CEP72: variants seen among roughly 807,000 people sequenced by gnomAD.
CEP72 encodes the protein centrosomal protein of 72 kDa.
Under a neutral mutation model 65.7 loss-of-function variants are expected in CEP72, and 78 were observed. The ratio of observed to expected loss-of-function variants is 1.19; its 90% confidence interval spans 0.99 to 1.43. CEP72 has a LOEUF of 1.43. Among genes scored for constraint, CEP72 ranks in the 40% most tolerant of loss-of-function variants. The pLI, the probability that CEP72 is intolerant of heterozygous loss-of-function variation, is 0.00. For synonymous variants in CEP72, 358 were observed against 351.7 expected (o/e 1.02, Z -0.20); for missense variants, 914 against 832.9 (o/e 1.10, Z -1.20).
downstream of CEP72, among the ~76,000 whole-genome samples, chr5:659,644 C>T (rs962771257): frequency 1.3e-5 from 2 of 152,232 alleles, no homozygotes; most frequent in African/African-American, 4.8e-5. Context: ...GCAGGACTCA[C>T]ACCTGACAGA....
At chr5:649,052 T>TG (rs202242830) in intron 11 of CEP72, among the ~76,000 whole-genome samples, 6 of 120,562 alleles carry the variant, frequency 5.0e-5, no homozygotes, top group Admixed American at 4.3e-4. Context: ...CTGTGAGGTG[T>TG]GACTGTGAGG....
intron 3 of CEP72, among the ~76,000 whole-genome samples, chr5:665,575 G>C (rs938529786): frequency 6.6e-6 from 1 of 151,990 alleles, no homozygotes; most frequent in African/African-American, 2.4e-5. Flanking sequence ...GGAAGGGGCT[G>C]TCAGAACAGC....
rs201637645 is a variant in CEP72, at chr5:635,557, C to G, written c.877C>G (p.Pro293Ala). Residue 293 changes from proline to alanine, a missense_variant, in exon 6 of 12, where the codon CCA becomes GCA. Coordinates refer to ENST00000264935, the MANE Select transcript of CEP72 (RefSeq NM_018140.4). ...AEPEASRAPR[P>A]HTYFTPHPDS... is the part of the protein sequence containing the mutation. ...GCCAGAGGCCTCCCGTGCCCCCAGGCCACACACGTACTTCACCCCACACCC... is the reference window on the plus strand; with the variant it reads ...GCCAGAGGCCTCCCGTGCCCCCAGGGCACACACGTACTTCACCCCACACCC... 6.2e-7 allele frequency: 1 copy of G among 1,613,642 alleles called. No homozygotes were observed. Among genetic ancestry groups the G allele is most frequent in the Non-Finnish European group, 8.5e-7 (1 of 1,179,778 alleles).
intron 11 of CEP72, among the ~76,000 whole-genome samples, chr5:648,190 C>A (rs1028576041): frequency 3.3e-5 from 5 of 152,052 alleles, no homozygotes; most frequent in Non-Finnish European, 5.9e-5. Context: ...TGAGGTGTGA[C>A]CACGAGGCAT....
chr5:652,228 C>G (rs1016404844), intron 11 of CEP72, among the ~76,000 whole-genome samples: 2 of 152,186 alleles, frequency 1.3e-5, no homozygotes, highest in East Asian at 3.8e-4. Context: ...GTGCACAGCT[C>G]CCAAACATGG....
intron 11 of CEP72, among the ~76,000 whole-genome samples, chr5:649,050 T>C (rs1453353467): frequency 7.1e-6 from 1 of 140,326 alleles, no homozygotes; most frequent in South Asian, 2.3e-4. Context: ...GACTGTGAGG[T>C]GTGACTGTGA....
At chr5:642,975 C>T (rs1266897739) in intron 9 of CEP72, 13 of 985,498 alleles carry the variant, frequency 1.3e-5, no homozygotes, top group Non-Finnish European at 1.4e-5. Context: ...GTGCCTGGCA[C>T]GGCCTCTGAG....
intron 3 of CEP72, among the ~76,000 whole-genome samples, chr5:622,834 C>A (rs551299165): frequency 6.6e-6 from 1 of 152,194 alleles, no homozygotes; most frequent in Non-Finnish European, 1.5e-5. Context: ...GAGGAATAGG[C>A]GCCTGTTTTA....
chr5:626,665 T>C (rs1736777489), intron 4 of CEP72, among the ~76,000 whole-genome samples: 1 of 152,218 alleles, frequency 6.6e-6, no homozygotes, highest in South Asian at 2.1e-4. Context: ...AAGAAAACTT[T>C]TTTTTTTCTT....
intron 11 of CEP72, among the ~76,000 whole-genome samples, chr5:649,240 ACTGTGAGG>A (rs1278972256): frequency 7.5e-4 from 41 of 54,920 alleles, no homozygotes; most frequent in African/African-American, 3.8e-3. Flanking sequence ...GTGAGGTGTG[ACTGTGAGG>A]TGTGGACTGT....
At chr5:664,950 C>T in intron 2 of CEP72, 1 of 825,814 alleles carries the variant, frequency 1.2e-6, no homozygotes, top group Non-Finnish European at 1.9e-6. Flanking sequence ...GGAGGAGGGG[C>T]AGGAGGGAGG....
intron 6 of CEP72, among the ~76,000 whole-genome samples, chr5:635,906 A>C (rs2455333): frequency 0.059 from 6,398 of 107,638 alleles, no homozygotes; most frequent in East Asian, 0.14. Flanking sequence ...CAGCCCTGCG[A>C]TACAGCATTC....
chr5:661,755 A>G (rs563228941), downstream of CEP72: 1 of 152,520 alleles, frequency 6.6e-6, no homozygotes, highest in Non-Finnish European at 1.5e-5. Context: ...AGTGGTGACC[A>G]CTATGTCCTC....
At chr5:665,938 C>CCCCCCCCCCCCCACAA in intron 3 of CEP72, 1 of 1,366,608 alleles carries the variant, frequency 7.3e-7, no homozygotes, top group Non-Finnish European at 9.7e-7. Flanking sequence ...CCACCCCCTC[C>CCCCCCCCCCCCCACAA]AGGCCCCGCC....
intron 5 of CEP72, among the ~76,000 whole-genome samples, chr5:635,117 G>A (rs1737497662): frequency 6.6e-6 from 1 of 152,134 alleles, no homozygotes; most frequent in Non-Finnish European, 1.5e-5. Context: ...CATTTTGTCT[G>A]ACTTTGCTCC....
At chr5:642,601 G>A (rs891956709) in intron 9 of CEP72, 2 of 985,502 alleles carry the variant, frequency 2.0e-6, no homozygotes, top group Non-Finnish European at 2.4e-6. Context: ...AGCTGTGGCT[G>A]CCGTGGACGC....
At chr5:613,155 T>G (rs1735781818) in intron 1 of CEP72, among the ~76,000 whole-genome samples, 1 of 152,186 alleles carries the variant, frequency 6.6e-6, no homozygotes, top group African/African-American at 2.4e-5. Flanking sequence ...TTGTGGAGTG[T>G]GTGTGTTGAG....
chr5:619,926 A>G (rs992629849), intron 2 of CEP72, 143 bp from the exon 3 acceptor site: 8 of 692,168 alleles, frequency 1.2e-5, no homozygotes, highest in Admixed American at 2.9e-5. Context: ...AGAACGTTTC[A>G]TTTTTCTACT....
downstream of CEP72, among the ~76,000 whole-genome samples, chr5:669,872 A>G (rs1740145413): frequency 6.6e-6 from 1 of 152,078 alleles, no homozygotes; most frequent in African/African-American, 2.4e-5. Context: ...AGAGACACTC[A>G]GTCTGGCTGC....
Sources: gnomAD v4.1 joint callset for allele counts (sites outside exome capture counted in the v4.1 genomes callset) on GRCh38, gnomAD v4.1.1 for gene constraint, MANE v1.5 for transcripts, NCBI Gene and HGNC (gene_info 2026-07-23, HGNC 2026-07-21) for gene names.